Variants in SLC5A3 observed in about 807,000 individuals in gnomAD.
The protein encoded by SLC5A3 is solute carrier family 5 member 3, also known as sodium/myo-inositol cotransporter.
A neutral mutation model predicts 43.2 loss-of-function variants in SLC5A3; 10 were observed. That is an observed-to-expected ratio of 0.23 (90% confidence interval 0.14 to 0.39). The LOEUF (loss-of-function observed/expected upper bound fraction) is 0.39, where lower values mean the gene tolerates loss of function less well. Ranked by LOEUF, SLC5A3 falls within the 10% of genes least tolerant of loss-of-function variation. The pLI is 1.00. For synonymous variants in SLC5A3, 349 were observed against 322.0 expected (o/e 1.08, Z -0.90); for missense variants, 608 against 893.4 (o/e 0.68, Z 4.07).
intron 1 of SLC5A3, among the ~76,000 whole-genome samples, chr21:34,080,971 G>A (rs1013306302): frequency 1.3e-5 from 2 of 152,132 alleles, no homozygotes; most frequent in African/African-American, 2.4e-5. Context: ...TCTTGTTTCC[G>A]TAAAATAATT....
rs772142060 is a variant in SLC5A3 at position 34,096,264 on chromosome 21, A to T, written c.1066A>T (p.Met356Leu). Residue 356 changes from methionine (M) to leucine (L), a missense_variant, in exon 2 of 2, where the codon ATG (methionine) becomes TTG (leucine). By Grantham distance (15) the Met-to-Leu change is conservative. Transcript: ENST00000381151. The surrounding 1 kb of genome is among the most constrained non-coding windows in gnomAD (Gnocchi z 5.9). ...CSNIAYPRLV[M>L]KLVPVGLRGL... ...CAATATTGCTTACCCACGCCTGGTG[A>T]TGAAGCTGGTTCCTGTGGGCCTTCG... The T allele has an allele frequency of 9.3e-6, 15 of 1,614,012 alleles. No individual in the cohort carries two copies. The highest frequency in any genetic ancestry group is 1.3e-5 in the Non-Finnish European group (15 of 1,180,016).
rs1569416905 is a variant in SLC5A3 at position 34,096,565 on chromosome 21, T to TA, written c.1367_1368insA (p.Phe456LeufsTer12). 6.2e-7 allele frequency: 1 copy of TA among 1,614,064 alleles called. No homozygotes were observed. Among genetic ancestry groups the TA allele is most frequent in the Non-Finnish European group, 8.5e-7 (1 of 1,179,982 alleles). ...CTGACACCCCCAGTGGCAGCCTTGT[T>TA]CCTGCTGGCAATTTTCTGGAAGCGC... is the stretch of plus-strand genomic sequence containing the variant. On this transcript the variant is annotated frameshift_variant, in exon 2 of 2. Coordinates refer to ENST00000381151, the MANE Select transcript of SLC5A3 (RefSeq NM_006933.7). LOFTEE classifies it high-confidence loss of function. This position sits in a 1 kb window ranked among gnomAD's most constrained non-coding sequence, Gnocchi z 5.9.
Position 34,074,433 on chromosome 21 carries a change from C to T in SLC5A3, c.-337+688C>T, listed in dbSNP as rs770120288. ...ATCCAAGTTGTGGCCTTTCTTGCGC[C>T]TCCAGAAGACACTTTCTTCCCCCTG... On this transcript the variant is annotated intron_variant, in intron 1 of 1. Transcript: ENST00000381151. 2.0e-5 allele frequency among the ~76,000 whole-genome samples: 3 copies of T among 152,242 alleles called. No homozygotes were observed. In the South Asian group the frequency reaches 6.2e-4, roughly 31 times the overall value.
rs1979235519 is a variant in SLC5A3, at chr21:34,101,507, G to C, written c.*4152G>C. 1 of 1,000,152 alleles carries C rather than the reference G, an allele frequency of 1.0e-6. No individual in the cohort carries two copies. The highest frequency in any genetic ancestry group is 1.2e-6 in the Non-Finnish European group (1 of 829,932). The allele number at this position is 1,000,152 out of a possible 1,614,324, so 62.0% of individuals were successfully genotyped here. A position where few individuals can be genotyped will look rare whatever the true frequency, so the allele number is the denominator to read the frequency against. On this transcript the variant is annotated 3_prime_UTR_variant, in exon 2 of 2. Transcript: ENST00000381151. ...CCTGAGCAGACTTCTTTACAAATGG[G>C]ATCTGTTTCTATATGTGTATATGCC... is the stretch of plus-strand genomic sequence containing the variant.
intron 1 of SLC5A3, among the ~76,000 whole-genome samples, chr21:34,092,847 A>G (rs1048170836): frequency 6.6e-6 from 1 of 152,162 alleles, no homozygotes; most frequent in African/African-American, 2.4e-5. Context: ...TGCTACTGCC[A>G]TTGGGAAGAG....
Position 34,102,066 on chromosome 21 carries a change from G to A in SLC5A3, c.*4711G>A, listed in dbSNP as rs577178531. The A allele has an allele frequency of 1.0e-5, 10 of 999,948 alleles. No individual in the cohort carries two copies. The highest frequency in any genetic ancestry group is 1.1e-4 in the East Asian group (1 of 8,822). The allele number at this position is 999,948 out of a possible 1,614,324, so 61.9% of individuals were successfully genotyped here. A position where few individuals can be genotyped will look rare whatever the true frequency, so the allele number is the denominator to read the frequency against. On this transcript the variant is annotated 3_prime_UTR_variant, in exon 2 of 2. Coordinates refer to ENST00000381151, the MANE Select transcript of SLC5A3 (RefSeq NM_006933.7). ...CTGGATTGTGAAAAGGTAATCTTTC[G>A]ATTGCTAGACTTGGTTAACTTAGGG...
intron 1 of SLC5A3, among the ~76,000 whole-genome samples, chr21:34,084,682 A>T (rs1490620336): frequency 6.6e-6 from 1 of 152,246 alleles, no homozygotes; most frequent in Non-Finnish European, 1.5e-5. Flanking sequence ...ATTAAAACAC[A>T]GACTTGGTCA....
chr21:34,101,290 A>G lies in SLC5A3; in HGVS notation c.*3935A>G, dbSNP rs1979226485. 6 of 1,000,112 alleles carry G rather than the reference A, an allele frequency of 6.0e-6. No homozygotes were observed. The highest frequency in any genetic ancestry group is 5.2e-4 in the Middle Eastern group (1 of 1,938). 62.0% of individuals were successfully genotyped at this position (1,000,112 alleles called of 1,614,324 possible). ...TCTCAGCTACTTTAAACTCCTCCCCATATAAATCAGGGCACCAATAAATAA... is the reference window on the plus strand; with the variant it reads ...TCTCAGCTACTTTAAACTCCTCCCCGTATAAATCAGGGCACCAATAAATAA... On this transcript the variant is annotated 3_prime_UTR_variant, in exon 2 of 2. Transcript: ENST00000381151.
intron 1 of SLC5A3, among the ~76,000 whole-genome samples, chr21:34,080,886 C>T (rs532154753): frequency 6.6e-6 from 1 of 152,320 alleles, no homozygotes; most frequent in Admixed American, 6.5e-5. Flanking sequence ...CAAGTCAGTG[C>T]ACTTCGCTCA....
intron 1 of SLC5A3, among the ~76,000 whole-genome samples, chr21:34,087,382 A>AT (rs1183145177): frequency 6.6e-6 from 1 of 152,112 alleles, no homozygotes; most frequent in Non-Finnish European, 1.5e-5. Context: ...TTAATATTTG[A>AT]TTTTTTTATT....
Position 34,073,643 on chromosome 21 carries a change from C to G in SLC5A3, c.-439C>G. ...GGTCCCCACTGTCCCCGCCGTCCCGCCCCTTCGCGTCCCGGGAACCGGCTG... is the reference window on the plus strand; with the variant it reads ...GGTCCCCACTGTCCCCGCCGTCCCGGCCCTTCGCGTCCCGGGAACCGGCTG... On this transcript the variant is annotated 5_prime_UTR_variant, in exon 1 of 2. Transcript: ENST00000381151. 1.4e-6 allele frequency: 2 copies of G among 1,463,158 alleles called. No homozygotes were observed. Among genetic ancestry groups the G allele is most frequent in the South Asian group, 2.4e-5 (2 of 84,476 alleles). The allele number at this position is 1,463,158 out of a possible 1,614,324, so 90.6% of individuals were successfully genotyped here. A position where few individuals can be genotyped will look rare whatever the true frequency, so the allele number is the denominator to read the frequency against.
Position 34,095,060 on chromosome 21 carries a change from G to T in SLC5A3, c.-139G>T. 1.0e-6 allele frequency: 1 copy of T among 1,000,000 alleles called. No homozygotes were observed. Among genetic ancestry groups the T allele is most frequent in the Non-Finnish European group, 1.3e-6 (1 of 758,322 alleles). 61.9% of individuals were successfully genotyped at this position (1,000,000 alleles called of 1,614,324 possible). Reference sequence around the variant, plus strand: ...CCACCATCAAGACAGCAAACCAAAGGACAAAGACTTTGACCCTGCTGTGTT... The same window carrying T: ...CCACCATCAAGACAGCAAACCAAAGTACAAAGACTTTGACCCTGCTGTGTT... On this transcript the variant is annotated 5_prime_UTR_variant, in exon 2 of 2. Coordinates refer to ENST00000381151, the MANE Select transcript of SLC5A3 (RefSeq NM_006933.7).
At position 34,105,534 on chromosome 21, in the gene SLC5A3, C is replaced by A; in HGVS notation, c.*8179C>A. On this transcript the variant is annotated 3_prime_UTR_variant, in exon 2 of 2. Coordinates refer to ENST00000381151, the MANE Select transcript of SLC5A3 (RefSeq NM_006933.7). ...AAAGATGTCTACATTGAAACATGTTCTTCCCAGTGTCCTGCTTATGATGCT... is the reference window on the plus strand; with the variant it reads ...AAAGATGTCTACATTGAAACATGTTATTCCCAGTGTCCTGCTTATGATGCT... The A allele has an allele frequency of 1.1e-5, 11 of 999,492 alleles. No homozygotes were observed. Among genetic ancestry groups the A allele is most frequent in the Non-Finnish European group, 1.3e-5 (11 of 829,364 alleles). The allele number at this position is 999,492 out of a possible 1,614,324, so 61.9% of individuals were successfully genotyped here.
In SLC5A3 at chr21:34,086,766, C is replaced by T. The variant is rs117881007; in HGVS notation, c.-336-8097C>T. Among the ~76,000 whole-genome samples the T allele has an allele frequency of 2.6e-4, 40 of 152,206 alleles. No individual in the cohort carries two copies. In the East Asian group the frequency reaches 7.3e-3, roughly 28 times the overall value. ...GTTGGCACATGGTGTTTGGTAAATGCTAGTTACTAAGGTAACTTCTTTAGT... is the reference window on the plus strand; with the variant it reads ...GTTGGCACATGGTGTTTGGTAAATGTTAGTTACTAAGGTAACTTCTTTAGT... On this transcript the variant is annotated intron_variant, in intron 1 of 1. Coordinates refer to ENST00000381151, the MANE Select transcript of SLC5A3 (RefSeq NM_006933.7).
At position 34,096,053 on chromosome 21, in the gene SLC5A3, G is replaced by A. The variant is rs755514294; in HGVS notation, c.855G>A (p.Arg285=). 6.2e-7 allele frequency: 1 copy of A among 1,614,084 alleles called. No individual in the cohort carries two copies. The highest frequency in any genetic ancestry group is 1.1e-5 in the South Asian group (1 of 91,084). The change falls in exon 2 of 2, where the codon AGG becomes AGA. Residue 285 remains arginine, a synonymous_variant. Coordinates refer to ENST00000381151, the MANE Select transcript of SLC5A3 (RefSeq NM_006933.7). This position sits in a 1 kb window ranked among gnomAD's most constrained non-coding sequence, Gnocchi z 5.9. ...YWCADQVIVQ[R]VLAAKNIAHA... The stretch of plus-strand genomic sequence containing the variant: ...GTGCTGACCAAGTCATCGTGCAGAG[G>A]GTCCTTGCAGCCAAAAACATTGCTC...
rs550864552 is a variant in SLC5A3 at position 34,102,801 on chromosome 21, T to C, written c.*5446T>C. The C allele has an allele frequency of 3.0e-6, 3 of 1,000,104 alleles. No individual in the cohort carries two copies. In the East Asian group the frequency reaches 3.4e-4, roughly 113 times the overall value. 62.0% of individuals were successfully genotyped at this position (1,000,104 alleles called of 1,614,324 possible). A position where few individuals can be genotyped will look rare whatever the true frequency, so the allele number is the denominator to read the frequency against. ...GAAAAGCACTATAACATAATTGTTGTCCATGATACTGAAGCTTTTCCCCTC... is the reference window on the plus strand; with the variant it reads ...GAAAAGCACTATAACATAATTGTTGCCCATGATACTGAAGCTTTTCCCCTC... On this transcript the variant is annotated 3_prime_UTR_variant, in exon 2 of 2. Transcript: ENST00000381151.
intron 1 of SLC5A3, among the ~76,000 whole-genome samples, chr21:34,087,233 G>T (rs954156692): frequency 6.6e-6 from 1 of 151,942 alleles, no homozygotes; most frequent in Non-Finnish European, 1.5e-5. Context: ...TGAGATTGCA[G>T]ATCACTGGTG....
rs1209616997 is a variant in SLC5A3, at chr21:34,097,119, G to C, written c.1921G>C (p.Glu641Gln). Residue 641 changes from glutamate (E) to glutamine (Q), a missense_variant, in exon 2 of 2, where the codon GAG becomes CAG. Coordinates refer to ENST00000381151, the MANE Select transcript of SLC5A3 (RefSeq NM_006933.7). Reference sequence around the variant, plus strand: ...CAATGGGCAAGCAGCTCTCATGGGTGAGAAAGAGAGAAAGAAAGAAACGGA... The same window carrying C: ...CAATGGGCAAGCAGCTCTCATGGGTCAGAAAGAGAGAAAGAAAGAAACGGA... ...YSNGQAALMG[E>Q]KERKKETDDG... The C allele has an allele frequency of 1.2e-6, 2 of 1,614,004 alleles. No individual in the cohort carries two copies. The highest frequency in any genetic ancestry group is 1.7e-5 in the Admixed American group (1 of 60,008).
intron 1 of SLC5A3, among the ~76,000 whole-genome samples, chr21:34,087,925 A>G (rs1978480134): frequency 6.6e-6 from 1 of 152,210 alleles, no homozygotes; most frequent in South Asian, 2.1e-4. Flanking sequence ...TGAGGGAGAA[A>G]GTGAGCAGTC....
Sources: gnomAD v4.1 joint callset for allele counts (sites outside exome capture counted in the v4.1 genomes callset) on GRCh38, gnomAD v4.1.1 for gene constraint, Gnocchi (gnomAD v3.1) non-coding constraint, MANE v1.5 for transcripts, NCBI Gene and HGNC (gene_info 2026-07-23, HGNC 2026-07-21) for gene names.